The following KALRN variants were observed in gnomAD, a reference collection of about 807,000 sequenced individuals.
KALRN encodes the protein kalirin.
Under a neutral mutation model 353.7 loss-of-function variants are expected in KALRN, and 70 were observed. The observed-to-expected ratio is 0.20, with a 90% CI of 0.16 to 0.24. The LOEUF (loss-of-function observed/expected upper bound fraction) is 0.24. Ranked by LOEUF, KALRN falls within the 10% of genes least tolerant of loss-of-function variation. The pLI is 1.00. For synonymous variants in KALRN, 1,391 were observed against 1,434.8 expected, an observed-to-expected ratio of 0.97 and a Z score of 0.69; for missense variants, 2,791 against 3,756.7, an observed-to-expected ratio of 0.74 and a Z score of 6.72.
intron 1 of KALRN, among the ~76,000 whole-genome samples, chr3:124,035,686 G>A (rs1294330679): frequency 6.6e-6 from 1 of 152,224 alleles, no homozygotes; most frequent in Non-Finnish European, 1.5e-5. Flanking sequence ...ATAGTCCAAT[G>A]TGTTACTTTT....
At chr3:124,340,558 G>A (rs116027092) in intron 9 of KALRN, among the ~76,000 whole-genome samples, 2,364 of 152,188 alleles carry the variant, frequency 0.016, 55 homozygotes, top group African/African-American at 0.054. Flanking sequence ...TCTGACACAT[G>A]GAATGGTACT....
rs200361341 is a variant in KALRN at position 124,269,238 on chromosome 3, G to C, written c.952G>C (p.Glu318Gln). ...LDQCFQLRLF[E>Q]QDAEKMFDWI... is the part of the protein sequence containing the mutation. Reference sequence around the variant, plus strand: ...CCAGTGCTTTCAGCTGCGGCTCTTCGAGCAGGATGCTGAGAAGGTAGGAAG... The same window carrying C: ...CCAGTGCTTTCAGCTGCGGCTCTTCCAGCAGGATGCTGAGAAGGTAGGAAG... Residue 318 changes from glutamate (E) to glutamine (Q), a missense_variant, in exon 5 of 60, where the codon GAG becomes CAG. Transcript: ENST00000682506. The C allele has an allele frequency of 2.2e-5, 35 of 1,598,254 alleles. No individual in the cohort carries two copies. Among genetic ancestry groups the C allele is most frequent in the Non-Finnish European group, 2.8e-5 (33 of 1,168,250 alleles).
At chr3:124,684,086 A>G (rs2061454988) in intron 51 of KALRN, among the ~76,000 whole-genome samples, 1 of 152,154 alleles carries the variant, frequency 6.6e-6, no homozygotes, top group Admixed American at 6.5e-5. Flanking sequence ...CATCATCGCA[A>G]ACAGAAATTC....
intron 49 of KALRN, among the ~76,000 whole-genome samples, chr3:124,677,778 T>C (rs1227158730): frequency 6.6e-6 from 1 of 152,204 alleles, no homozygotes; most frequent in East Asian, 1.9e-4. Flanking sequence ...CAGTAGCATA[T>C]GCATTCTAGA....
chr3:124,683,527 G>A (rs1216727215), intron 51 of KALRN, among the ~76,000 whole-genome samples: 5 of 152,176 alleles, frequency 3.3e-5, no homozygotes, highest in Non-Finnish European at 7.3e-5. Context: ...TCAAGGATAA[G>A]GATTCTCAGC....
intron 1 of KALRN, among the ~76,000 whole-genome samples, chr3:124,165,512 C>A (rs983205912): frequency 1.4e-4 from 22 of 152,184 alleles, no homozygotes; most frequent in African/African-American, 5.1e-4. Flanking sequence ...ACCTCCATAG[C>A]AACCACATGT....
intron 33 of KALRN, among the ~76,000 whole-genome samples, chr3:124,496,735 T>G (rs1275750461): frequency 2.6e-5 from 4 of 152,216 alleles, no homozygotes; most frequent in Non-Finnish European, 5.9e-5. Context: ...CTTGGGCTGC[T>G]GTGCCTTCTG....
At chr3:124,251,355 C>CTTTTTTTTT (rs57628448) in intron 3 of KALRN, among the ~76,000 whole-genome samples, 104 of 133,324 alleles carry the variant, frequency 7.8e-4, no homozygotes, top group Non-Finnish European at 1.0e-3. Context: ...CAAGTCTTTG[C>CTTTTTTTTT]TTTTTTTTTT....
intron 33 of KALRN, among the ~76,000 whole-genome samples, chr3:124,560,589 G>A (rs2071862695): frequency 6.6e-6 from 1 of 152,204 alleles, no homozygotes; most frequent in African/African-American, 2.4e-5. Context: ...ATTTCTTACA[G>A]AGCACTTTGG....
At chr3:124,324,045 T>G (rs1035907936) in intron 6 of KALRN, among the ~76,000 whole-genome samples, 1 of 152,224 alleles carries the variant, frequency 6.6e-6, no homozygotes, top group South Asian at 2.1e-4. Context: ...TGGGACTTAG[T>G]GCATCAGTAA....
At chr3:124,050,972 C>G (rs1254560870) in intron 1 of KALRN, among the ~76,000 whole-genome samples, 6 of 152,036 alleles carry the variant, frequency 3.9e-5, no homozygotes. Context: ...TAAAGACATG[C>G]AAAAGAGGAA....
At chr3:124,222,691 T>A (rs1468543164) in intron 1 of KALRN, among the ~76,000 whole-genome samples, 2 of 152,134 alleles carry the variant, frequency 1.3e-5, no homozygotes, top group African/African-American at 2.4e-5. Flanking sequence ...AGCCTCGACC[T>A]CCCTGGCTCA....
At chr3:124,586,900 C>G (rs2075250043) in intron 34 of KALRN, among the ~76,000 whole-genome samples, 1 of 152,160 alleles carries the variant, frequency 6.6e-6, no homozygotes, top group Non-Finnish European at 1.5e-5. Context: ...GGGGTCGTGT[C>G]TGAGGTGTTG....
chr3:124,404,833 T>G (rs2091328367), intron 13 of KALRN, among the ~76,000 whole-genome samples: 1 of 152,172 alleles, frequency 6.6e-6, no homozygotes, highest in Non-Finnish European at 1.5e-5. Context: ...CAGTCACTGT[T>G]AGCTGTGGAT....
intron 33 of KALRN, among the ~76,000 whole-genome samples, chr3:124,500,654 G>T (rs1687316461): frequency 6.6e-6 from 1 of 152,188 alleles, no homozygotes; most frequent in Admixed American, 6.5e-5. Flanking sequence ...GGTTGCTTTT[G>T]TTCAATACTT....
At chr3:124,678,073 G>T in intron 49 of KALRN, 117 bp from the exon 50 acceptor site, 1 of 1,144,978 alleles carries the variant, frequency 8.7e-7, no homozygotes. Flanking sequence ...TGGGGCCTCT[G>T]AAGCCCGGGC....
At chr3:124,225,726 G>C (rs903362925) in intron 1 of KALRN, among the ~76,000 whole-genome samples, 14 of 152,248 alleles carry the variant, frequency 9.2e-5, no homozygotes, top group African/African-American at 3.1e-4. Context: ...GGAACCCTTT[G>C]CTTCCATTAT....
chr3:124,470,741 T>C (rs192410003), intron 25 of KALRN, among the ~76,000 whole-genome samples: 3 of 151,672 alleles, frequency 2.0e-5, no homozygotes, highest in South Asian at 2.1e-4. Flanking sequence ...TACAACCAGG[T>C]GTGGGACCGC....
chr3:124,351,669 A>G (rs1317367616), intron 10 of KALRN, among the ~76,000 whole-genome samples: 1 of 152,168 alleles, frequency 6.6e-6, no homozygotes, highest in Non-Finnish European at 1.5e-5. Context: ...TGTGATTCTT[A>G]CCAGTGGTCA....
Sources: gnomAD v4.1 joint callset for allele counts (sites outside exome capture counted in the v4.1 genomes callset) on GRCh38, gnomAD v4.1.1 for gene constraint, MANE v1.5 for transcripts, NCBI Gene and HGNC (gene_info 2026-07-23, HGNC 2026-07-21) for gene names.